TMEM108: variants seen among roughly 807,000 people sequenced by gnomAD.
TMEM108 encodes the protein transmembrane protein 108.
Under a neutral mutation model 35.1 loss-of-function variants are expected in TMEM108, and 12 were observed. That is an observed-to-expected ratio of 0.34 (90% CI 0.22 to 0.55). The LOEUF is 0.55. Ranked by LOEUF, TMEM108 falls within the 20% of genes least tolerant of loss-of-function variation. TMEM108 has a pLI of 0.89. For synonymous variants in TMEM108, 287 were observed against 308.6 expected (o/e 0.93, Z 0.73); for missense variants, 680 against 753.3 (o/e 0.90, Z 1.14).
chr3:133,052,650 A>C (rs953588938), intron 2 of TMEM108, among the ~76,000 whole-genome samples: 2 of 150,428 alleles, frequency 1.3e-5, no homozygotes, highest in Middle Eastern at 3.2e-3. Context: ...TGTTAGCTAT[A>C]GATTTTTAAA....
intron 2 of TMEM108, among the ~76,000 whole-genome samples, chr3:133,150,843 A>G (rs1944789787): frequency 6.6e-6 from 1 of 152,068 alleles, no homozygotes; most frequent in Non-Finnish European, 1.5e-5. Flanking sequence ...GAAGACTCCC[A>G]CCTTCCTTTC....
intron 2 of TMEM108, among the ~76,000 whole-genome samples, chr3:133,055,655 C>T (rs1424986574): frequency 6.6e-6 from 1 of 152,208 alleles, no homozygotes; most frequent in African/African-American, 2.4e-5. Context: ...GGCAGCTCCT[C>T]TCAGCCTTTT....
chr3:133,239,255 C>T (rs574511986), intron 3 of TMEM108, among the ~76,000 whole-genome samples: 3 of 152,296 alleles, frequency 2.0e-5, no homozygotes, highest in African/African-American at 7.2e-5. Context: ...TTCCCTTGTG[C>T]TACTAGCAGT....
Position 133,380,808 on chromosome 3 carries a change from C to T in TMEM108, c.1097C>T (p.Thr366Ile). Residue 366 changes from threonine (T) to isoleucine (I), a missense_variant, in exon 4 of 6, where the codon ACC becomes ATC. Thr to Ile is a moderately conservative substitution (Grantham distance 89). This residue lies in a region of TMEM108 where 526 missense variants were observed against 532.1 expected (regional missense o/e 0.99). Coordinates refer to ENST00000321871, the MANE Select transcript of TMEM108 (RefSeq NM_023943.4). The surrounding 1 kb of genome is among the most constrained non-coding windows in gnomAD (Gnocchi z 5.3). The part of the protein sequence containing the change: ...ATGPTPAAFD[T>I]SVSAPSQGIP... ...GGGCCCACCCCAGCTGCCTTCGATA[C>T]CAGTGTCTCAGCCCCTTCCCAGGGG... The T allele has an allele frequency of 6.2e-7, 1 of 1,614,206 alleles. No individual in the cohort carries two copies. The highest frequency in any genetic ancestry group is 8.5e-7 in the Non-Finnish European group (1 of 1,180,036).
intron 2 of TMEM108, among the ~76,000 whole-genome samples, chr3:133,123,305 T>C (rs1211127284): frequency 6.6e-6 from 1 of 152,242 alleles, no homozygotes; most frequent in African/African-American, 2.4e-5. Flanking sequence ...AATATTTTTG[T>C]ATATATCTTT....
chr3:133,315,028 G>A (rs1478671528), intron 3 of TMEM108, among the ~76,000 whole-genome samples: 1 of 151,958 alleles, frequency 6.6e-6, no homozygotes, highest in Non-Finnish European at 1.5e-5. Context: ...GTTTTGTCTC[G>A]GTTTTCCTGT....
At chr3:133,214,149 G>A (rs1458498712) in intron 2 of TMEM108, among the ~76,000 whole-genome samples, 1 of 152,174 alleles carries the variant, frequency 6.6e-6, no homozygotes, top group Non-Finnish European at 1.5e-5. Flanking sequence ...TGGGCCAAGT[G>A]CTTGACATGC....
intron 2 of TMEM108, among the ~76,000 whole-genome samples, chr3:133,187,397 G>A (rs1244449139): frequency 6.6e-5 from 10 of 152,156 alleles, no homozygotes; most frequent in Non-Finnish European, 1.5e-4. Flanking sequence ...GGGTTGAGAA[G>A]TAGCAGGGAG....
chr3:133,359,200 C>T (rs1054173582), intron 3 of TMEM108, among the ~76,000 whole-genome samples: 9 of 152,192 alleles, frequency 5.9e-5, no homozygotes, highest in African/African-American at 1.9e-4. Context: ...AATTCTCATT[C>T]TGCAAAATGT....
intron 3 of TMEM108, among the ~76,000 whole-genome samples, chr3:133,259,874 T>C (rs1197193507): frequency 6.6e-6 from 1 of 152,234 alleles, no homozygotes; most frequent in African/African-American, 2.4e-5. Flanking sequence ...AGGCAGTTCC[T>C]GTGTCAGTGC....
chr3:133,331,173 A>C (rs2071388965), intron 3 of TMEM108, among the ~76,000 whole-genome samples: 1 of 152,228 alleles, frequency 6.6e-6, no homozygotes, highest in Admixed American at 6.5e-5. Flanking sequence ...AATATGGAAG[A>C]AATCATGGTA....
At position 133,265,533 on chromosome 3, in the gene TMEM108, C is replaced by T. The variant is rs1057040786; in HGVS notation, c.40+36182C>T. On this transcript the variant is annotated intron_variant, in intron 3 of 5. Transcript: ENST00000321871. ...GTGGGAGCCTTTGCGAACCAATGTGCTCACATTTAATCCACACCTCTAACC... is the reference window on the plus strand; with the variant it reads ...GTGGGAGCCTTTGCGAACCAATGTGTTCACATTTAATCCACACCTCTAACC... Among the ~76,000 whole-genome samples the T allele has an allele frequency of 3.4e-4, 52 of 152,094 alleles. 1 individual carries two copies. Among genetic ancestry groups the T allele is most frequent in the African/African-American group, 1.2e-3 (49 of 41,412 alleles).
At chr3:133,265,488 A>G (rs1946684649) in intron 3 of TMEM108, among the ~76,000 whole-genome samples, 1 of 152,176 alleles carries the variant, frequency 6.6e-6, no homozygotes, top group Non-Finnish European at 1.5e-5. Flanking sequence ...GCTGCAGTGC[A>G]GTGATTCTGA....
At chr3:133,236,917 G>C (rs752502608) in intron 3 of TMEM108, among the ~76,000 whole-genome samples, 1 of 152,066 alleles carries the variant, frequency 6.6e-6, no homozygotes, top group East Asian at 1.9e-4. Flanking sequence ...CATTAAGATG[G>C]AAAGCAATTT....
chr3:133,185,715 A>G (rs1466350602), intron 2 of TMEM108, among the ~76,000 whole-genome samples: 1 of 151,340 alleles, frequency 6.6e-6, no homozygotes, highest in African/African-American at 2.4e-5. Context: ...CCCAAGAATG[A>G]GCAGGTGCCT....
At position 133,276,686 on chromosome 3, in the gene TMEM108, G is replaced by A. The variant is rs149440582; in HGVS notation, c.40+47335G>A. Among the ~76,000 whole-genome samples, 422 of 152,248 alleles carry A rather than the reference G, an allele frequency of 2.8e-3. 4 individuals are homozygous for A. Among genetic ancestry groups the A allele is most frequent in the Non-Finnish European group, 5.3e-3 (358 of 68,018 alleles). On this transcript the variant is annotated intron_variant, in intron 3 of 5. Transcript: ENST00000321871. ...TTTTTTAAATATGGGGTGGGAAGTG[G>A]TGGGCGTTTGTTGAGAGCATAACTC... is the stretch of plus-strand genomic sequence containing the variant.
intron 2 of TMEM108, among the ~76,000 whole-genome samples, chr3:133,167,306 C>T (rs1381586284): frequency 6.6e-6 from 1 of 152,256 alleles, no homozygotes; most frequent in East Asian, 1.9e-4. Flanking sequence ...TCTCCAAGTC[C>T]CCACCCAACT....
At chr3:133,307,584 A>C (rs1315683208) in intron 3 of TMEM108, among the ~76,000 whole-genome samples, 2 of 152,170 alleles carry the variant, frequency 1.3e-5, no homozygotes, top group East Asian at 3.9e-4. Flanking sequence ...TCAGCTATCT[A>C]CATATGGCTA....
intron 2 of TMEM108, among the ~76,000 whole-genome samples, chr3:133,069,843 T>C (rs557648580): frequency 1.3e-5 from 2 of 152,300 alleles, no homozygotes; most frequent in South Asian, 4.1e-4. Flanking sequence ...AATGTGTACA[T>C]TGTTCAGTCT....
Sources: allele counts gnomAD v4.1 joint callset (sites outside exome capture counted in the v4.1 genomes callset), GRCh38; gene constraint gnomAD v4.1.1; regional missense constraint gnomAD v4.1.1; non-coding constraint Gnocchi (gnomAD v3.1); transcripts MANE v1.5; gene names NCBI Gene and HGNC (gene_info 2026-07-23, HGNC 2026-07-21).